PTPRN2: variants seen among roughly 807,000 people sequenced by gnomAD.
PTPRN2 encodes protein tyrosine phosphatase receptor type N2, also known as receptor-type tyrosine-protein phosphatase N2.
PTPRN2 carries 74 observed loss-of-function variants against 118.8 expected under a neutral mutation model. The ratio of observed to expected loss-of-function variants is 0.62; its 90% CI spans 0.52 to 0.76. The LOEUF is 0.76. Ranked by LOEUF, PTPRN2 falls within the 30% of genes least tolerant of loss-of-function variation. PTPRN2 has a pLI of 0.00. For missense variants in PTPRN2, 1,481 were observed against 1,394.4 expected (o/e 1.06, Z -0.99); for synonymous variants, 641 against 608.0 (o/e 1.05, Z -0.80).
chr7:158,293,158 G>A (rs1401272234), intron 3 of PTPRN2, among the ~76,000 whole-genome samples: 1 of 152,146 alleles, frequency 6.6e-6, no homozygotes, highest in Non-Finnish European at 1.5e-5. Context: ...CATCAGTGAG[G>A]GTGGGGTGGG....
intron 2 of PTPRN2, among the ~76,000 whole-genome samples, chr7:158,428,669 C>T (rs967941233): frequency 6.6e-6 from 1 of 152,160 alleles, no homozygotes; most frequent in South Asian, 2.1e-4. Flanking sequence ...CTGTTTCACA[C>T]AGTCGGGTCG....
intron 1 of PTPRN2, among the ~76,000 whole-genome samples, chr7:158,551,115 C>T (rs1033408396): frequency 5.3e-5 from 8 of 152,274 alleles, no homozygotes; most frequent in East Asian, 1.9e-4. Context: ...AACCGACACT[C>T]GCTTTGCACA....
chr7:158,352,712 C>T (rs1346435890), intron 2 of PTPRN2, among the ~76,000 whole-genome samples: 1 of 152,246 alleles, frequency 6.6e-6, no homozygotes, highest in Non-Finnish European at 1.5e-5. Context: ...CGAATCACAC[C>T]TGAGCCTCAA....
intron 11 of PTPRN2, among the ~76,000 whole-genome samples, chr7:157,924,846 TGCAG>T (rs202139162): frequency 1.3e-5 from 2 of 152,028 alleles, no homozygotes; most frequent in Non-Finnish European, 2.9e-5. Context: ...GTAGTCAGGA[TGCAG>T]GCACCTGCAT....
intron 2 of PTPRN2, among the ~76,000 whole-genome samples, chr7:158,435,345 C>G (rs1338090788): frequency 6.6e-6 from 1 of 151,942 alleles, no homozygotes; most frequent in Non-Finnish European, 1.5e-5. Flanking sequence ...AGGTATACAA[C>G]AAAAATGCTC....
At chr7:157,883,649 T>G (rs1254874423) in intron 12 of PTPRN2, among the ~76,000 whole-genome samples, 1 of 135,640 alleles carries the variant, frequency 7.4e-6, no homozygotes, top group Non-Finnish European at 1.6e-5. Flanking sequence ...CACCCCAAAA[T>G]GACTGTCAGA....
rs1171604639 is a variant in PTPRN2, at chr7:157,725,311, GT to G, written c.1789-42375del. On this transcript the variant is annotated intron_variant, in intron 12 of 22. Transcript: ENST00000389418. ...ACTGGATACCTACACCCAGAGGAGT[GT>G]GGCCAGACCCTCGCCTCCCAGGAGA... 4.9e-3 allele frequency among the ~76,000 whole-genome samples: 521 copies of G among 105,810 alleles called. 12 individuals are homozygous for G. Among genetic ancestry groups the G allele is most frequent in the African/African-American group, 0.021 (424 of 20,508 alleles). 69.4% of individuals were successfully genotyped at this position (105,810 alleles called of 152,430 possible). A position where few individuals can be genotyped will look rare whatever the true frequency, so the allele number is the denominator to read the frequency against.
chr7:157,962,337 G>A lies in PTPRN2; in HGVS notation c.1724-63600C>T, dbSNP rs1324358230. On this transcript the variant is annotated intron_variant, in intron 11 of 22. Transcript: ENST00000389418. ...TCAGCAGGAGTGTTATTCCACCAGCGGGAGCGTTATTCCCCCAGCGGGAGC... is the reference window on the plus strand; with the variant it reads ...TCAGCAGGAGTGTTATTCCACCAGCAGGAGCGTTATTCCCCCAGCGGGAGC... Among the ~76,000 whole-genome samples, 4 of 147,286 alleles carry A rather than the reference G, an allele frequency of 2.7e-5. No homozygotes were observed. In the East Asian group the frequency reaches 1.0e-3, roughly 37 times the overall value.
chr7:158,478,951 G>A (rs1820460416), intron 2 of PTPRN2, among the ~76,000 whole-genome samples: 3 of 152,142 alleles, frequency 2.0e-5, no homozygotes, highest in Admixed American at 2.0e-4. Flanking sequence ...ACGTGTCACC[G>A]CGACAGTCAC....
At chr7:157,658,167 A>G (rs1795691758) in intron 13 of PTPRN2, among the ~76,000 whole-genome samples, 1 of 152,222 alleles carries the variant, frequency 6.6e-6, no homozygotes. Context: ...TCATTCTATC[A>G]GAATATAAGC....
chr7:158,350,496 T>G (rs1193431230), intron 2 of PTPRN2, among the ~76,000 whole-genome samples: 1 of 152,202 alleles, frequency 6.6e-6, no homozygotes, highest in African/African-American at 2.4e-5. Context: ...AATCTGCCTG[T>G]CAATTTTGTC....
intron 4 of PTPRN2, among the ~76,000 whole-genome samples, chr7:158,198,019 T>C (rs1826344465): frequency 6.6e-6 from 1 of 152,238 alleles, no homozygotes; most frequent in South Asian, 2.1e-4. Flanking sequence ...ATCATGGCTA[T>C]AATTTCCTTG....
At chr7:158,270,840 CT>C (rs1431774031) in intron 3 of PTPRN2, among the ~76,000 whole-genome samples, 1 of 32,754 alleles carries the variant, frequency 3.1e-5, no homozygotes, top group Non-Finnish European at 5.6e-5. Context: ...GGATGACCCC[CT>C]CACCTGGACC....
chr7:158,344,475 C>T (rs1807335967), intron 2 of PTPRN2, among the ~76,000 whole-genome samples: 1 of 152,124 alleles, frequency 6.6e-6, no homozygotes, highest in Non-Finnish European at 1.5e-5. Context: ...ACTTGCAACG[C>T]CTTGCACCCA....
intron 12 of PTPRN2, among the ~76,000 whole-genome samples, chr7:157,745,386 C>G (rs2150969587): frequency 6.6e-6 from 1 of 151,514 alleles, no homozygotes; most frequent in South Asian, 2.1e-4. Flanking sequence ...CGGGGGTGGT[C>G]TGCGGGAGGC....
At chr7:157,800,814 T>A (rs937024781) in intron 12 of PTPRN2, among the ~76,000 whole-genome samples, 1 of 151,744 alleles carries the variant, frequency 6.6e-6, no homozygotes, top group Non-Finnish European at 1.5e-5. Flanking sequence ...CAGCCGGGTG[T>A]GGTGGCGGGC....
intron 2 of PTPRN2, among the ~76,000 whole-genome samples, chr7:158,470,268 TTAGAGAGACAACAATACATTTTCC>T (rs1819758322): frequency 6.6e-6 from 1 of 152,252 alleles, no homozygotes; most frequent in African/African-American, 2.4e-5. Context: ...GATTTGACTG[TTAGAGAGACAACAATACATTTTCC>T]TAGTGACTTG....
intron 13 of PTPRN2, among the ~76,000 whole-genome samples, chr7:157,673,395 A>T (rs1038382265): frequency 6.6e-6 from 1 of 152,224 alleles, no homozygotes; most frequent in Admixed American, 6.5e-5. Context: ...TTTGAGCAAC[A>T]AAGTTTCAGA....
intron 21 of PTPRN2, among the ~76,000 whole-genome samples, chr7:157,557,864 TA>T (rs1442126648): frequency 6.6e-6 from 1 of 151,716 alleles, no homozygotes; most frequent in Non-Finnish European, 1.5e-5. Context: ...AGATCCTTAT[TA>T]AAAATATAAG....
Sources: gnomAD v4.1 joint callset for allele counts (sites outside exome capture counted in the v4.1 genomes callset) on GRCh38, gnomAD v4.1.1 for gene constraint, MANE v1.5 for transcripts, NCBI Gene and HGNC (gene_info 2026-07-23, HGNC 2026-07-21) for gene names.